The following BBS9 variants were observed in gnomAD, a reference collection of about 807,000 sequenced individuals.
The protein encoded by BBS9 is Bardet-Biedl syndrome 9.
Under a neutral mutation model 117.7 loss-of-function variants are expected in BBS9, and 89 were observed. The observed-to-expected ratio is 0.76, with a 90% confidence interval of 0.64 to 0.90. BBS9 has a LOEUF of 0.90. Among genes scored for constraint, BBS9 ranks in the 40% least tolerant of loss-of-function variants. The pLI is 0.00. For synonymous variants in BBS9, 379 were observed against 370.9 expected (o/e 1.02, Z -0.25); for missense variants, 982 against 1,042.2 (o/e 0.94, Z 0.80).
intron 5 of BBS9, among the ~76,000 whole-genome samples, chr7:33,241,063 T>C (rs1015189134): frequency 2.6e-5 from 4 of 152,050 alleles, no homozygotes; most frequent in African/African-American, 9.7e-5. Flanking sequence ...ATCTTAGGGG[T>C]ATATTACTTA....
chr7:33,283,692 C>T (rs1802334497), intron 9 of BBS9, among the ~76,000 whole-genome samples: 1 of 152,148 alleles, frequency 6.6e-6, no homozygotes, highest in African/African-American at 2.4e-5. Flanking sequence ...GTTCTCATCT[C>T]CCTCATGTCT....
Position 33,257,302 on chromosome 7 carries a change from C to G in BBS9, c.509C>G (p.Ala170Gly), listed in dbSNP as rs751423443. Residue 170 changes from alanine to glycine, a missense_variant, in exon 6 of 23, where the codon GCT becomes GGT. By Grantham distance (60) the Ala-to-Gly change is moderately conservative. Transcript: ENST00000242067. Reference protein sequence around the residue: ...MLMVFEQESYAFGRFLPGFLL... With the variant: ...MLMVFEQESYGFGRFLPGFLL... ...ATGGTATTTGAGCAGGAGAGCTATG[C>G]TTTTGGAAGATTTCTCCCTGGCTTT... The G allele has an allele frequency of 6.2e-7, 1 of 1,613,800 alleles. No homozygotes were observed. The highest frequency in any genetic ancestry group is 1.7e-5 in the Admixed American group (1 of 60,016).
At chr7:33,526,763 C>T (rs1311262504) in intron 20 of BBS9, among the ~76,000 whole-genome samples, 1 of 151,680 alleles carries the variant, frequency 6.6e-6, no homozygotes, top group Non-Finnish European at 1.5e-5. Context: ...AAGTCATTCT[C>T]CATCCAGCTT....
At chr7:33,590,463 T>TTTTGTTTTTGTTTTG (rs1452831433) in intron 21 of BBS9, among the ~76,000 whole-genome samples, 2 of 146,990 alleles carry the variant, frequency 1.4e-5, no homozygotes, top group South Asian at 2.1e-4. Context: ...TTTTTTGTTT[T>TTTTGTTTTTGTTTTG]TTTTTTTTTT....
chr7:33,214,384 G>A (rs373627606), intron 5 of BBS9, among the ~76,000 whole-genome samples: 3 of 152,192 alleles, frequency 2.0e-5, no homozygotes, highest in Non-Finnish European at 4.4e-5. Flanking sequence ...CTGTGTCTCC[G>A]ACCCTCTTCA....
chr7:33,363,085 T>C (rs1820933472), intron 16 of BBS9, among the ~76,000 whole-genome samples: 1 of 152,206 alleles, frequency 6.6e-6, no homozygotes, highest in Non-Finnish European at 1.5e-5. Flanking sequence ...TGTTCTTTGC[T>C]AATACATAGA....
intron 18 of BBS9, among the ~76,000 whole-genome samples, chr7:33,386,763 G>C (rs940236872): frequency 4.0e-5 from 6 of 151,882 alleles, no homozygotes; most frequent in Non-Finnish European, 5.9e-5. Context: ...CAAAGTTCTG[G>C]GATTACAGGC....
At chr7:33,482,985 A>G (rs1056048125) in intron 19 of BBS9, among the ~76,000 whole-genome samples, 1 of 152,182 alleles carries the variant, frequency 6.6e-6, no homozygotes, top group Non-Finnish European at 1.5e-5. Flanking sequence ...CTATTTTAAG[A>G]GTGGATTAGT....
intron 19 of BBS9, among the ~76,000 whole-genome samples, chr7:33,448,595 G>T (rs1187949023): frequency 6.6e-6 from 1 of 152,210 alleles, no homozygotes; most frequent in Non-Finnish European, 1.5e-5. Context: ...CCCAATACCT[G>T]TAATGTAAGC....
intron 5 of BBS9, among the ~76,000 whole-genome samples, chr7:33,217,487 C>T (rs947409702): frequency 6.6e-6 from 1 of 152,194 alleles, no homozygotes; most frequent in South Asian, 2.1e-4. Flanking sequence ...AAATGACTAA[C>T]ATTAAACATG....
chr7:33,253,512 T>C (rs1796549592), intron 5 of BBS9, among the ~76,000 whole-genome samples: 1 of 152,168 alleles, frequency 6.6e-6, no homozygotes, highest in Non-Finnish European at 1.5e-5. Context: ...CTCGGGAGGC[T>C]GAGGCAGGAG....
chr7:33,523,304 T>C (rs1284269647), intron 20 of BBS9, among the ~76,000 whole-genome samples: 1 of 140,824 alleles, frequency 7.1e-6, no homozygotes, highest in Non-Finnish European at 1.5e-5. Context: ...GGTAGCTTGA[T>C]GGGGATGGCA....
chr7:33,447,667 T>G (rs1275361841), intron 19 of BBS9, among the ~76,000 whole-genome samples: 1 of 152,222 alleles, frequency 6.6e-6, no homozygotes, highest in African/African-American at 2.4e-5. Flanking sequence ...GCCTGCGGAA[T>G]GATTAGGTTA....
chr7:33,407,191 C>G (rs999037892), intron 19 of BBS9, among the ~76,000 whole-genome samples: 1 of 152,206 alleles, frequency 6.6e-6, no homozygotes, highest in Admixed American at 6.5e-5. Context: ...ATTTCATCTT[C>G]CATCACTGAT....
At chr7:33,285,191 A>G (rs942088410) in intron 9 of BBS9, among the ~76,000 whole-genome samples, 4 of 152,166 alleles carry the variant, frequency 2.6e-5, no homozygotes, top group African/African-American at 9.6e-5. Context: ...TAGGTCACTA[A>G]CAGATGTCTG....
At chr7:33,612,412 C>CACACAT (rs907616643) in intron 21 of BBS9, among the ~76,000 whole-genome samples, 7 of 152,036 alleles carry the variant, frequency 4.6e-5, no homozygotes, top group East Asian at 1.9e-4. Context: ...AAAACACATA[C>CACACAT]ACACATACAC....
At chr7:33,324,099 A>G (rs1321193974) in intron 9 of BBS9, among the ~76,000 whole-genome samples, 1 of 151,794 alleles carries the variant, frequency 6.6e-6, no homozygotes, top group Non-Finnish European at 1.5e-5. Flanking sequence ...TGGGATCCCA[A>G]AGTGTTGGGA....
At chr7:33,586,624 C>T (rs900217660) in intron 21 of BBS9, among the ~76,000 whole-genome samples, 1 of 151,998 alleles carries the variant, frequency 6.6e-6, no homozygotes, top group African/African-American at 2.4e-5. Flanking sequence ...TTCACGGTAG[C>T]AAAGACGTGG....
intron 5 of BBS9, 55 bp downstream of exon 5, chr7:33,177,646 T>A: frequency 7.9e-7 from 1 of 1,259,690 alleles, no homozygotes; most frequent in Non-Finnish European, 1.2e-6. Context: ...TTAGAATATT[T>A]GGTCATATAA....
Sources: allele counts gnomAD v4.1 joint callset (sites outside exome capture counted in the v4.1 genomes callset), GRCh38; gene constraint gnomAD v4.1.1; transcripts MANE v1.5; gene names NCBI Gene and HGNC (gene_info 2026-07-23, HGNC 2026-07-21).